Variants in CDH4 observed in about 807,000 individuals in gnomAD.
CDH4 encodes the protein cadherin 4, also known as cadherin-4.
Under a neutral mutation model 86.0 loss-of-function variants are expected in CDH4, and 33 were observed. The ratio of observed to expected loss-of-function variants is 0.38; its 90% CI spans 0.29 to 0.51. CDH4 has a LOEUF of 0.51. CDH4 is among the 20% of genes least tolerant of loss of function. The pLI, the probability that CDH4 is intolerant of heterozygous loss-of-function variation, is 0.86. For synonymous variants in CDH4, 555 were observed against 549.4 expected (o/e 1.01, Z -0.14); for missense variants, 1,114 against 1,307.4 (o/e 0.85, Z 2.28).
chr20:61,308,239 G>A (rs377553097), intron 2 of CDH4, among the ~76,000 whole-genome samples: 1 of 152,212 alleles, frequency 6.6e-6, no homozygotes, highest in Non-Finnish European at 1.5e-5. Flanking sequence ...CCATGCCAGG[G>A]TGGTGTAATT....
intron 6 of CDH4, among the ~76,000 whole-genome samples, chr20:61,870,128 A>C (rs893313834): frequency 6.6e-6 from 1 of 151,842 alleles, no homozygotes; most frequent in African/African-American, 2.4e-5. Context: ...CTGTCCCTCC[A>C]CCTCCCCCAG....
At chr20:61,652,938 A>ATTTTTTTTTTTTTTTTTTTTT (rs763918382) in intron 2 of CDH4, among the ~76,000 whole-genome samples, 42 of 97,324 alleles carry the variant, frequency 4.3e-4, no homozygotes, top group Non-Finnish European at 5.7e-4. Flanking sequence ...TTATTTATTT[A>ATTTTTTTTTTTTTTTTTTTTT]TTTTTTTTTT....
intron 15 of CDH4, among the ~76,000 whole-genome samples, chr20:61,935,512 C>T (rs1399180171): frequency 3.3e-5 from 5 of 152,246 alleles, no homozygotes; most frequent in African/African-American, 2.4e-5. Context: ...CATCCCAGCA[C>T]TTTGGGAGGC....
intron 2 of CDH4, among the ~76,000 whole-genome samples, chr20:61,688,450 C>T (rs1224644606): frequency 6.6e-6 from 1 of 152,212 alleles, no homozygotes; most frequent in African/African-American, 2.4e-5. Context: ...ATGATAAGAA[C>T]AGCAGCAAAC....
chr20:61,858,933 T>G (rs1983193941), intron 6 of CDH4, among the ~76,000 whole-genome samples: 1 of 152,150 alleles, frequency 6.6e-6, no homozygotes, highest in Non-Finnish European at 1.5e-5. Flanking sequence ...TGCCCGAGAA[T>G]GCAATTGTGG....
chr20:61,662,014 G>A (rs1003749394), intron 2 of CDH4, among the ~76,000 whole-genome samples: 2 of 152,120 alleles, frequency 1.3e-5, no homozygotes, highest in African/African-American at 4.8e-5. Context: ...AGGTTAATTT[G>A]TGAAACCCCA....
intron 15 of CDH4, among the ~76,000 whole-genome samples, chr20:61,936,319 C>T (rs1403118388): frequency 2.6e-5 from 2 of 76,736 alleles, no homozygotes; most frequent in Non-Finnish European, 5.1e-5. Flanking sequence ...CACAGCCCCC[C>T]ACCCTCTCCC....
intron 2 of CDH4, among the ~76,000 whole-genome samples, chr20:61,452,435 C>T (rs1051444035): frequency 5.3e-5 from 8 of 152,046 alleles, no homozygotes; most frequent in Non-Finnish European, 1.0e-4. Context: ...TATATAAAAG[C>T]GTTCAGACTC....
rs577381866 is a variant in CDH4 at position 61,829,086 on chromosome 20, C to T, written c.577-15582C>T. ...TCATGCTCGCCCGGCCACCACTCAC[C>T]TCCAGCTGTGCGGCCCAGTTCCTAA... On this transcript the variant is annotated intron_variant, in intron 4 of 15. Transcript: ENST00000614565. This position sits in a 1 kb window ranked among gnomAD's most constrained non-coding sequence, Gnocchi z 4.2. 6.6e-6 allele frequency among the ~76,000 whole-genome samples: 1 copy of T among 152,356 alleles called. No individual in the cohort carries two copies. The highest frequency in any genetic ancestry group is 2.1e-4 in the South Asian group (1 of 4,828).
At chr20:61,917,580 A>T (rs2427243) in intron 9 of CDH4, among the ~76,000 whole-genome samples, 113,329 of 152,132 alleles carry the variant, frequency 0.74, 44,725 homozygotes, top group Non-Finnish European at 0.88. Flanking sequence ...GAGACTTTGA[A>T]TGGAAGCTCC....
chr20:61,453,992 G>T (rs990736164), intron 2 of CDH4, among the ~76,000 whole-genome samples: 1 of 152,210 alleles, frequency 6.6e-6, no homozygotes, highest in Admixed American at 6.5e-5. Context: ...TGCCATGGTT[G>T]TAAGTTTCCT....
chr20:61,927,877 T>G (rs927513423), intron 11 of CDH4, among the ~76,000 whole-genome samples: 22 of 152,098 alleles, frequency 1.4e-4, no homozygotes, highest in Admixed American at 9.2e-4. Flanking sequence ...CCGTGCGCAG[T>G]GGCTGTGTGC....
intron 2 of CDH4, among the ~76,000 whole-genome samples, chr20:61,556,009 A>G (rs7264636): frequency 0.32 from 48,848 of 152,078 alleles, 8,360 homozygotes; most frequent in East Asian, 0.49. Flanking sequence ...TCTGAGCACG[A>G]AGCCGCCCTC....
At chr20:61,714,895 C>T (rs8116165) in intron 2 of CDH4, among the ~76,000 whole-genome samples, 12 of 152,158 alleles carry the variant, frequency 7.9e-5, no homozygotes, top group South Asian at 4.2e-4. Flanking sequence ...CTTTTTGATG[C>T]GGTGACGTCT....
intron 6 of CDH4, among the ~76,000 whole-genome samples, chr20:61,870,035 G>A (rs1164038844): frequency 1.3e-5 from 2 of 152,208 alleles, no homozygotes; most frequent in African/African-American, 4.8e-5. Context: ...GTGGATCAGG[G>A]CAGGCACTCA....
At chr20:61,331,203 A>G (rs144441922) in intron 2 of CDH4, among the ~76,000 whole-genome samples, 35 of 152,026 alleles carry the variant, frequency 2.3e-4, no homozygotes, top group Admixed American at 3.3e-4. Flanking sequence ...TGCCATGGCC[A>G]CAGCTGCACC....
At chr20:61,660,086 C>T (rs1301636542) in intron 2 of CDH4, among the ~76,000 whole-genome samples, 1 of 152,216 alleles carries the variant, frequency 6.6e-6, no homozygotes, top group South Asian at 2.1e-4. Flanking sequence ...CGGTCTTCCA[C>T]CCCGGAGCTA....
intron 4 of CDH4, among the ~76,000 whole-genome samples, chr20:61,820,331 C>T (rs758731249): frequency 5.3e-5 from 8 of 152,238 alleles, no homozygotes; most frequent in Non-Finnish European, 7.3e-5. Context: ...CCGTGGGGGA[C>T]GTATGCAGCC....
intron 2 of CDH4, among the ~76,000 whole-genome samples, chr20:61,450,534 G>A (rs907454631): frequency 2.0e-5 from 3 of 152,192 alleles, no homozygotes; most frequent in African/African-American, 7.2e-5. Flanking sequence ...TATTAAGGAA[G>A]ACTTCAGATG....
Sources: gnomAD v4.1 joint callset for allele counts (sites outside exome capture counted in the v4.1 genomes callset) on GRCh38, gnomAD v4.1.1 for gene constraint, Gnocchi (gnomAD v3.1) non-coding constraint, MANE v1.5 for transcripts, NCBI Gene and HGNC (gene_info 2026-07-23, HGNC 2026-07-21) for gene names.